Variants in GAREM1 observed in about 807,000 individuals in gnomAD.
GAREM1 encodes GRB2-associated and regulator of MAPK protein 1.
GAREM1 carries 26 observed loss-of-function variants against 71.3 expected under a neutral mutation model. The ratio of observed to expected loss-of-function variants is 0.36; its 90% CI spans 0.27 to 0.51. The LOEUF (loss-of-function observed/expected upper bound fraction) is 0.51. Among genes scored for constraint, GAREM1 ranks in the 20% least tolerant of loss-of-function variants. GAREM1 has a pLI of 0.95. For synonymous variants in GAREM1, 440 were observed against 433.2 expected (o/e 1.02, Z -0.20); for missense variants, 1,026 against 1,103.1 (o/e 0.93, Z 0.99).
chr18:32,383,909 A>C (rs2048120171), intron 2 of GAREM1, among the ~76,000 whole-genome samples: 1 of 152,192 alleles, frequency 6.6e-6, no homozygotes, highest in African/African-American at 2.4e-5. Context: ...TGAAAATAGC[A>C]ATCAAAGGAC....
At chr18:32,305,383 T>C (rs528144736) in intron 3 of GAREM1, among the ~76,000 whole-genome samples, 1 of 152,324 alleles carries the variant, frequency 6.6e-6, no homozygotes, top group East Asian at 1.9e-4. Flanking sequence ...TGCCTAAAGT[T>C]AAATTTCAAG....
intron 2 of GAREM1, among the ~76,000 whole-genome samples, chr18:32,380,992 T>C (rs958851632): frequency 2.0e-5 from 3 of 151,906 alleles, no homozygotes; most frequent in African/African-American, 2.4e-5. Context: ...CAGACTTTTC[T>C]AGATTTTTAT....
At chr18:32,318,202 A>G (rs2047398361) in intron 2 of GAREM1, among the ~76,000 whole-genome samples, 1 of 152,230 alleles carries the variant, frequency 6.6e-6, no homozygotes, top group Non-Finnish European at 1.5e-5. Context: ...ATATTTAAAA[A>G]GCAAAGATGG....
At chr18:32,445,226 C>T (rs191110659) in intron 1 of GAREM1, among the ~76,000 whole-genome samples, 1 of 152,194 alleles carries the variant, frequency 6.6e-6, no homozygotes, top group African/African-American at 2.4e-5. Context: ...TCTATATAAA[C>T]TAATGAATGC....
At chr18:32,424,180 A>G (rs2144245474) in intron 1 of GAREM1, among the ~76,000 whole-genome samples, 1 of 152,254 alleles carries the variant, frequency 6.6e-6, no homozygotes. Context: ...TCACAGGAGT[A>G]CTTCCATATG....
chr18:32,393,177 A>ATT, intron 1 of GAREM1, 142 bp from the exon 2 acceptor site: 4 of 651,946 alleles, frequency 6.1e-6, no homozygotes, highest in South Asian at 2.9e-5. Context: ...TTACCTCTGA[A>ATT]TTGTTTTTTT....
intron 2 of GAREM1, among the ~76,000 whole-genome samples, chr18:32,370,630 A>G (rs984520119): frequency 6.6e-6 from 1 of 152,198 alleles, no homozygotes; most frequent in African/African-American, 2.4e-5. Flanking sequence ...AGAAGTTTCA[A>G]TATGGCGTGT....
intron 1 of GAREM1, among the ~76,000 whole-genome samples, chr18:32,451,709 C>A (rs879744537): frequency 2.0e-5 from 3 of 152,246 alleles, no homozygotes; most frequent in Middle Eastern, 6.8e-3. Context: ...AAATGATCTT[C>A]CAAAATGACC....
In GAREM1 at chr18:32,470,072, T is replaced by C. The variant is rs2049035541; in HGVS notation, c.121+236A>G. ...AGAGGTCTCCCTATGTTGACTTTTTTTTTAGGGCGTCCTTTTTAATTATAC... is the reference window on the plus strand; with the variant it reads ...AGAGGTCTCCCTATGTTGACTTTTTCTTTAGGGCGTCCTTTTTAATTATAC... On this transcript the variant is annotated intron_variant, in intron 1 of 5. Transcript: ENST00000269209. This position sits in a 1 kb window ranked among gnomAD's most constrained non-coding sequence, Gnocchi z 4.4. Among the ~76,000 whole-genome samples, 1 of 152,064 alleles carries C rather than the reference T, an allele frequency of 6.6e-6. No homozygotes were observed. The highest frequency in any genetic ancestry group is 2.1e-4 in the South Asian group (1 of 4,826).
chr18:32,427,117 T>C lies in GAREM1; in HGVS notation c.122-34082A>G, dbSNP rs562949429. On this transcript the variant is annotated intron_variant, in intron 1 of 5. Transcript: ENST00000269209. ...GTTGTCCCAACTTCCCATGGTAGTT[T>C]CTGGGAGCTCCAACTTTTGAGAGCC... Among the ~76,000 whole-genome samples the C allele has an allele frequency of 3.3e-5, 5 of 152,284 alleles. No homozygotes were observed. The East Asian group carries it at 5.8e-4, about 18-fold the overall frequency.
rs542849383 is a variant in GAREM1, at chr18:32,367,862, T to C, written c.262+25033A>G. On this transcript the variant is annotated intron_variant, in intron 2 of 5. Transcript: ENST00000269209. Reference sequence around the variant, plus strand: ...TGAGATTTCACATAGGAGGTGGCTTTGAGTCTGGAGCTTGAGGGATGGGCA... The same window carrying C: ...TGAGATTTCACATAGGAGGTGGCTTCGAGTCTGGAGCTTGAGGGATGGGCA... 7.9e-5 allele frequency among the ~76,000 whole-genome samples: 12 copies of C among 152,258 alleles called. No homozygotes were observed. In the South Asian group the frequency reaches 2.5e-3, roughly 32 times the overall value.
intron 1 of GAREM1, among the ~76,000 whole-genome samples, chr18:32,452,854 T>TG (rs1491428600): frequency 2.3e-5 from 1 of 43,218 alleles, no homozygotes; most frequent in Non-Finnish European, 6.4e-5. Context: ...AACTTCTACG[T>TG]TTTTTTTTTT....
intron 1 of GAREM1, among the ~76,000 whole-genome samples, chr18:32,421,935 C>T (rs765574020): frequency 2.2e-4 from 34 of 152,102 alleles, no homozygotes; most frequent in Admixed American, 6.6e-4. Flanking sequence ...AACCTTAAAG[C>T]TTCTGCCCCT....
chr18:32,407,645 G>C (rs2048377191), intron 1 of GAREM1, among the ~76,000 whole-genome samples: 1 of 152,080 alleles, frequency 6.6e-6, no homozygotes, highest in African/African-American at 2.4e-5. Flanking sequence ...AAGAGTATGT[G>C]CCCTTCTCTT....
Position 32,470,189 on chromosome 18 carries a change from G to A in GAREM1, c.121+119C>T. On this transcript the variant is annotated intron_variant, in intron 1 of 5. Coordinates refer to ENST00000269209, the MANE Select transcript of GAREM1 (RefSeq NM_001242409.2). The surrounding 1 kb of genome is among the most constrained non-coding windows in gnomAD (Gnocchi z 4.4). ...TGCGGCAGCCGCTCGGGCCAACTCC[G>A]GCGCTCAGGGGCGGGCAGCCCACTC... The A allele has an allele frequency of 8.1e-7, 1 of 1,232,122 alleles. No individual in the cohort carries two copies. The highest frequency in any genetic ancestry group is 1.0e-6 in the Non-Finnish European group (1 of 971,098). The allele number at this position is 1,232,122 out of a possible 1,614,324, so 76.3% of individuals were successfully genotyped here. A position where few individuals can be genotyped will look rare whatever the true frequency, so the allele number is the denominator to read the frequency against.
At chr18:32,299,471 G>A (rs1289750394) in intron 3 of GAREM1, among the ~76,000 whole-genome samples, 2 of 130,074 alleles carry the variant, frequency 1.5e-5, no homozygotes, top group African/African-American at 3.0e-5. Context: ...CCGAGATCGC[G>A]CCACTGTACT....
At chr18:32,297,822 T>C (rs1304785707) in intron 3 of GAREM1, among the ~76,000 whole-genome samples, 3 of 152,194 alleles carry the variant, frequency 2.0e-5, no homozygotes, top group African/African-American at 7.2e-5. Context: ...GAGTCACCCA[T>C]TTGAATAAAG....
chr18:32,326,277 C>T (rs1210161302), intron 2 of GAREM1, among the ~76,000 whole-genome samples: 3 of 152,172 alleles, frequency 2.0e-5, no homozygotes, highest in Non-Finnish European at 4.4e-5. Context: ...TGACAAGCTA[C>T]CTACTAAACT....
chr18:32,339,690 A>C (rs1004887528), intron 2 of GAREM1, among the ~76,000 whole-genome samples: 1 of 152,212 alleles, frequency 6.6e-6, no homozygotes, highest in African/African-American at 2.4e-5. Context: ...ACATATACAA[A>C]TCTAATTTCG....
Sources: gnomAD v4.1 joint callset for allele counts (sites outside exome capture counted in the v4.1 genomes callset) on GRCh38, gnomAD v4.1.1 for gene constraint, Gnocchi (gnomAD v3.1) non-coding constraint, MANE v1.5 for transcripts, NCBI Gene and HGNC (gene_info 2026-07-23, HGNC 2026-07-21) for gene names.